ADSL: variants seen among roughly 807,000 people sequenced by gnomAD.
The protein encoded by ADSL is adenylosuccinate lyase, also known as adenylosuccinase.
In ADSL, 44 loss-of-function variants were observed where a neutral mutation model predicts 62.1. The observed-to-expected ratio is 0.71, with a 90% CI of 0.56 to 0.91. ADSL has a LOEUF of 0.91. Ranked by LOEUF, ADSL falls within the 40% of genes least tolerant of loss-of-function variation. The probability of loss-of-function intolerance (pLI) is 0.00; values close to 1 mark genes in which losing one functional copy is unlikely to be tolerated. For missense variants in ADSL, 531 were observed against 627.4 expected (o/e 0.85, Z 1.64); for synonymous variants, 198 against 220.5 (o/e 0.90, Z 0.90).
At chr22:40,365,654 G>A (rs549257144) in intron 12 of ADSL, among the ~76,000 whole-genome samples, 1 of 152,174 alleles carries the variant, frequency 6.6e-6, no homozygotes, top group South Asian at 2.1e-4. Context: ...AGGATTGCTT[G>A]AGCTCAGGAG....
intron 4 of ADSL, among the ~76,000 whole-genome samples, chr22:40,358,445 ATGGTATTGCATGCCTGT>A (rs1347167246): frequency 6.6e-6 from 1 of 152,144 alleles, no homozygotes; most frequent in East Asian, 1.9e-4. Context: ...TTAGCCAGGC[ATGGTATTGCATGCCTGT>A]GGTCCCAGCT....
intron 11 of ADSL, 172 bp from the exon 12 acceptor site, chr22:40,364,707 TG>T: frequency 1.4e-6 from 1 of 708,860 alleles, no homozygotes; most frequent in Non-Finnish European, 2.5e-6. Flanking sequence ...TCCTAAGATG[TG>T]GGCAGAGAGT....
intron 2 of ADSL, among the ~76,000 whole-genome samples, chr22:40,383,810 CAG>C (rs1294883238): frequency 6.6e-6 from 1 of 152,122 alleles, no homozygotes; most frequent in Non-Finnish European, 1.5e-5. Context: ...TCTGGAGACA[CAG>C]AAATCTTTAG....
intron 4 of ADSL, among the ~76,000 whole-genome samples, chr22:40,356,620 C>T (rs752434236): frequency 5.3e-5 from 8 of 151,172 alleles, no homozygotes; most frequent in African/African-American, 7.3e-5. Context: ...CAAGGCAGGA[C>T]GATAGCTTGA....
At chr22:40,354,807 T>G (rs1165927211) in intron 4 of ADSL, among the ~76,000 whole-genome samples, 1 of 150,654 alleles carries the variant, frequency 6.6e-6, no homozygotes, top group Non-Finnish European at 1.5e-5. Flanking sequence ...ACGCGGAGGT[T>G]GCAGTGAGCC....
At position 40,351,568 on chromosome 22, in the gene ADSL, A is replaced by G. The variant is rs560870301; in HGVS notation, c.358-1505A>G. 2.0e-5 allele frequency among the ~76,000 whole-genome samples: 3 copies of G among 152,192 alleles called. No homozygotes were observed. The South Asian group carries it at 6.2e-4, about 32-fold the overall frequency. On this transcript the variant is annotated intron_variant, in intron 2 of 12. Coordinates refer to ENST00000623063, the MANE Select transcript of ADSL (RefSeq NM_000026.4). Reference sequence around the variant, plus strand: ...ACAGTCCTCCTGCCTTAGCCTCCCAAAGTCCTGGGATTACAGGAGTGAGCC... The same window carrying G: ...ACAGTCCTCCTGCCTTAGCCTCCCAGAGTCCTGGGATTACAGGAGTGAGCC...
At chr22:40,380,749 A>G (rs1333298485) in intron 2 of ADSL, among the ~76,000 whole-genome samples, 2 of 152,166 alleles carry the variant, frequency 1.3e-5, no homozygotes, top group Non-Finnish European at 2.9e-5. Context: ...CAGCCTGGGC[A>G]ACATAGTAAG....
At position 40,354,245 on chromosome 22, in the gene ADSL, T is replaced by C. The variant is rs766286760; in HGVS notation, c.403-3T>C. ...TCTTTCTATCACATGATCTTTCTTG[T>C]AGCTTGCCAGAGTGATCTCTCGGCT... is the stretch of plus-strand genomic sequence containing the variant. On this transcript the variant is annotated splice_polypyrimidine_tract_variant and splice_region_variant and intron_variant, in intron 3 of 12. Coordinates refer to ENST00000623063, the MANE Select transcript of ADSL (RefSeq NM_000026.4). The C allele has an allele frequency of 8.1e-6, 13 of 1,613,964 alleles. No homozygotes were observed. The highest frequency in any genetic ancestry group is 6.6e-5 in the South Asian group (6 of 91,072).
At chr22:40,371,038 T>G (rs1309977841), downstream of ADSL, among the ~76,000 whole-genome samples, 6 of 152,330 alleles carry the variant, frequency 3.9e-5, no homozygotes, top group African/African-American at 1.4e-4. Context: ...CGGGGGGCTT[T>G]CTAAAAAGAG....
At chr22:40,385,262 T>C (rs1250892143) in intron 2 of ADSL, among the ~76,000 whole-genome samples, 1 of 152,168 alleles carries the variant, frequency 6.6e-6, no homozygotes, top group African/African-American at 2.4e-5. Flanking sequence ...GTGAGTTGAT[T>C]GATGAAGCAT....
chr22:40,370,113 G>GCT (rs964645885), downstream of ADSL, among the ~76,000 whole-genome samples: 2 of 152,072 alleles, frequency 1.3e-5, no homozygotes, highest in African/African-American at 2.4e-5. Context: ...GCTGAAGCGG[G>GCT]CAGATCATCT....
chr22:40,359,345 G>A (rs991155327), intron 6 of ADSL, 39 bp downstream of exon 6: 10 of 1,601,808 alleles, frequency 6.2e-6, no homozygotes, highest in Non-Finnish European at 8.6e-7. Context: ...CTGTTAAGTT[G>A]ATGGAAGTCC....
At chr22:40,361,980 C>T (rs1349425154) in intron 9 of ADSL, among the ~76,000 whole-genome samples, 2 of 152,168 alleles carry the variant, frequency 1.3e-5, no homozygotes, top group Admixed American at 1.3e-4. Context: ...GAGGGAGTTA[C>T]TACTACTTGA....
downstream of ADSL, among the ~76,000 whole-genome samples, chr22:40,372,212 T>C (rs371428268): frequency 4.9e-4 from 66 of 136,024 alleles, no homozygotes; most frequent in African/African-American, 1.8e-3. Flanking sequence ...CTGCAAGCTC[T>C]GCCTCCCGGG....
At chr22:40,377,315 G>A (rs1601722070) in intron 2 of ADSL, among the ~76,000 whole-genome samples, 1 of 152,208 alleles carries the variant, frequency 6.6e-6, no homozygotes, top group East Asian at 1.9e-4. Flanking sequence ...TCAATAAACA[G>A]TTGCAGCTCC....
chr22:40,360,805 C>T (rs1010729399), intron 7 of ADSL, among the ~76,000 whole-genome samples: 8 of 151,704 alleles, frequency 5.3e-5, no homozygotes, highest in Non-Finnish European at 1.2e-4. Context: ...TCACTGCAAC[C>T]TCCACCTCCT....
At chr22:40,348,638 C>G in intron 1 of ADSL, 1 of 398,600 alleles carries the variant, frequency 2.5e-6, no homozygotes, top group Non-Finnish European at 4.4e-6. Flanking sequence ...ACCTTGGCCT[C>G]CCAAAGATGT....
chr22:40,377,108 A>G (rs1483032018), intron 2 of ADSL, among the ~76,000 whole-genome samples: 2 of 152,224 alleles, frequency 1.3e-5, no homozygotes, highest in Non-Finnish European at 2.9e-5. Flanking sequence ...TTTAGTAGAC[A>G]TAAGTTGTTT....
intron 6 of ADSL, among the ~76,000 whole-genome samples, chr22:40,359,854 A>G (rs942234088): frequency 6.6e-6 from 1 of 152,142 alleles, no homozygotes; most frequent in Admixed American, 6.6e-5. Flanking sequence ...TGTATAATCT[A>G]TAGGAAAAAA....
Sources: allele counts gnomAD v4.1 joint callset (sites outside exome capture counted in the v4.1 genomes callset), GRCh38; gene constraint gnomAD v4.1.1; transcripts MANE v1.5; gene names NCBI Gene and HGNC (gene_info 2026-07-23, HGNC 2026-07-21).